The following ZNF804A variants were observed in gnomAD, a reference collection of about 807,000 sequenced individuals.
ZNF804A encodes zinc finger protein 804A.
A neutral mutation model predicts 16.5 loss-of-function variants in ZNF804A; 2 were observed. That is an observed-to-expected ratio of 0.12 (90% CI 0.05 to 0.38). ZNF804A has a LOEUF of 0.38. ZNF804A is among the 10% of genes least tolerant of loss of function. The probability of loss-of-function intolerance (pLI) is 0.99; values close to 1 mark genes in which losing one functional copy is unlikely to be tolerated. For missense variants in ZNF804A, 1,473 were observed against 1,390.7 expected, an observed-to-expected ratio of 1.06 and a Z score of -0.94; for synonymous variants, 534 against 489.6, an observed-to-expected ratio of 1.09 and a Z score of -1.20.
intron 1 of ZNF804A, among the ~76,000 whole-genome samples, chr2:184,780,109 T>A (rs1474639174): frequency 6.6e-6 from 1 of 151,828 alleles, no homozygotes; most frequent in Admixed American, 6.6e-5. Context: ...ATCTCCATTA[T>A]AAAGTCTACC....
chr2:184,856,137 A>G (rs778321166), intron 1 of ZNF804A, among the ~76,000 whole-genome samples: 1 of 152,046 alleles, frequency 6.6e-6, no homozygotes, highest in Non-Finnish European at 1.5e-5. Flanking sequence ...GGCTTTTTTC[A>G]AGGACTAGAG....
At chr2:184,671,487 C>G (rs1692338384) in intron 1 of ZNF804A, among the ~76,000 whole-genome samples, 1 of 152,072 alleles carries the variant, frequency 6.6e-6, no homozygotes, top group African/African-American at 2.4e-5. Context: ...AAGTGACCTC[C>G]TTTGTATTAT....
chr2:184,937,462 C>T lies in ZNF804A; in HGVS notation c.2066C>T (p.Ser689Phe). 2 of 1,596,892 alleles carry T rather than the reference C, an allele frequency of 1.3e-6. No homozygotes were observed. The highest frequency in any genetic ancestry group is 1.7e-6 in the Non-Finnish European group (2 of 1,172,668). ...TACAACACTTATGATACTATCAGTT[C>T]TAAAAACCACTGTAAAAAGAACACA... ...TEYNTYDTIS[S>F]KNHCKKNTIL... The change falls in exon 4 of 4, where the codon TCT (serine) becomes TTT (phenylalanine). Residue 689 changes from serine to phenylalanine, a missense_variant. Transcript: ENST00000302277.
intron 1 of ZNF804A, among the ~76,000 whole-genome samples, chr2:184,788,452 T>A (rs1052215022): frequency 6.6e-6 from 1 of 152,074 alleles, no homozygotes; most frequent in African/African-American, 2.4e-5. Context: ...ACAATATTGA[T>A]TATGTAAATC....
chr2:184,611,169 A>G (rs1317355132), intron 1 of ZNF804A, among the ~76,000 whole-genome samples: 1 of 152,136 alleles, frequency 6.6e-6, no homozygotes, highest in African/African-American at 2.4e-5. Context: ...GCCCTCTTCT[A>G]TAAGGGCACT....
intron 1 of ZNF804A, among the ~76,000 whole-genome samples, chr2:184,792,017 G>C (rs150479975): frequency 9.6e-4 from 146 of 152,154 alleles, no homozygotes; most frequent in African/African-American, 3.3e-3. Flanking sequence ...TCCTCTTAGT[G>C]CTGATTAACA....
At position 184,858,245 on chromosome 2, in the gene ZNF804A, T is replaced by C. The variant is rs191779985; in HGVS notation, c.112-8124T>C. Among the ~76,000 whole-genome samples, 436 of 152,192 alleles carry C rather than the reference T, an allele frequency of 2.9e-3. 9 individuals carry two copies. The highest frequency in any genetic ancestry group is 0.01 in the African/African-American group (416 of 41,548). ...TAGGCCAGGTGCAGTGGCTCACACCTGTAATCCCAGCAATTTGGGAGGCCG... is the reference window on the plus strand; with the variant it reads ...TAGGCCAGGTGCAGTGGCTCACACCCGTAATCCCAGCAATTTGGGAGGCCG... On this transcript the variant is annotated intron_variant, in intron 1 of 3. Coordinates refer to ENST00000302277, the MANE Select transcript of ZNF804A (RefSeq NM_194250.2).
intron 1 of ZNF804A, among the ~76,000 whole-genome samples, chr2:184,610,929 G>T (rs1691226744): frequency 1.3e-5 from 2 of 152,174 alleles, no homozygotes; most frequent in African/African-American, 4.8e-5. Flanking sequence ...GACACTATTA[G>T]TATTGAACCA....
chr2:184,742,731 AATAT>A (rs778877348), intron 1 of ZNF804A, among the ~76,000 whole-genome samples: 4 of 150,948 alleles, frequency 2.6e-5, no homozygotes, highest in Non-Finnish European at 4.4e-5. Flanking sequence ...TAGATAAATA[AATAT>A]ATATATATAC....
intron 1 of ZNF804A, among the ~76,000 whole-genome samples, chr2:184,746,602 A>G (rs1414906203): frequency 6.6e-6 from 1 of 151,334 alleles, no homozygotes; most frequent in Non-Finnish European, 1.5e-5. Context: ...ATTATTGTTG[A>G]CTGTAATCAC....
intron 1 of ZNF804A, among the ~76,000 whole-genome samples, chr2:184,777,100 C>G (rs1694301095): frequency 6.6e-6 from 1 of 151,386 alleles, no homozygotes; most frequent in Admixed American, 6.6e-5. Flanking sequence ...TTGCCTCTGT[C>G]TTTGTTTTTG....
At chr2:184,626,018 G>A (rs138582924) in intron 1 of ZNF804A, among the ~76,000 whole-genome samples, 3,068 of 152,038 alleles carry the variant, frequency 0.02, 120 homozygotes, top group African/African-American at 0.069. Flanking sequence ...ACAGGTGCCC[G>A]CCACCACGCC....
chr2:184,788,322 G>A lies in ZNF804A; in HGVS notation c.112-78047G>A, dbSNP rs527797310. Among the ~76,000 whole-genome samples the A allele has an allele frequency of 9.9e-5, 15 of 151,894 alleles. No individual in the cohort carries two copies. In the South Asian group the frequency reaches 2.9e-3, roughly 30 times the overall value. ...GCTTTGGAATGCTGTAGGTGGTCTGGCTTCTTTTCAGTTTTATATGAACTT... is the reference window on the plus strand; with the variant it reads ...GCTTTGGAATGCTGTAGGTGGTCTGACTTCTTTTCAGTTTTATATGAACTT... On this transcript the variant is annotated intron_variant, in intron 1 of 3. Coordinates refer to ENST00000302277, the MANE Select transcript of ZNF804A (RefSeq NM_194250.2).
At chr2:184,699,866 C>A (rs7568756) in intron 1 of ZNF804A, among the ~76,000 whole-genome samples, 36,222 of 151,736 alleles carry the variant, frequency 0.24, 6,394 homozygotes, top group African/African-American at 0.5. Flanking sequence ...GTTGGAGAAA[C>A]GGTAGGAAAT....
At chr2:184,621,218 T>G (rs1291294768) in intron 1 of ZNF804A, among the ~76,000 whole-genome samples, 1 of 151,716 alleles carries the variant, frequency 6.6e-6, no homozygotes. Context: ...TATATTTCTT[T>G]TTTTAACAAC....
intron 1 of ZNF804A, among the ~76,000 whole-genome samples, chr2:184,707,669 A>C (rs1210863766): frequency 6.6e-6 from 1 of 152,086 alleles, no homozygotes; most frequent in Non-Finnish European, 1.5e-5. Context: ...TGTATGATAT[A>C]TTCTTTATCC....
At chr2:184,619,468 T>C (rs572922450) in intron 1 of ZNF804A, among the ~76,000 whole-genome samples, 29 of 152,092 alleles carry the variant, frequency 1.9e-4, no homozygotes, top group Admixed American at 5.3e-4. Context: ...ACATTATTAA[T>C]GGCAATAAAG....
intron 2 of ZNF804A, among the ~76,000 whole-genome samples, chr2:184,925,725 T>C (rs925652312): frequency 2.0e-5 from 3 of 151,930 alleles, no homozygotes; most frequent in Non-Finnish European, 2.9e-5. Context: ...ATTTTTAAAT[T>C]TGAGGTTAGT....
At chr2:184,731,708 T>C (rs1254125667) in intron 1 of ZNF804A, among the ~76,000 whole-genome samples, 1 of 151,744 alleles carries the variant, frequency 6.6e-6, no homozygotes, top group Non-Finnish European at 1.5e-5. Flanking sequence ...TAGCTGGGAC[T>C]ACAGGCATGC....
Sources: allele counts gnomAD v4.1 joint callset (sites outside exome capture counted in the v4.1 genomes callset), GRCh38; gene constraint gnomAD v4.1.1; transcripts MANE v1.5; gene names NCBI Gene and HGNC (gene_info 2026-07-23, HGNC 2026-07-21).